CNTN4: variants seen among roughly 807,000 people sequenced by gnomAD.
CNTN4 encodes contactin-4.
A neutral mutation model predicts 122.5 loss-of-function variants in CNTN4; 77 were observed. That is an observed-to-expected ratio of 0.63 (90% confidence interval 0.52 to 0.76). CNTN4 has a LOEUF of 0.76. CNTN4 is among the 30% of genes least tolerant of loss of function. The pLI is 0.00. For missense variants in CNTN4, 1,256 were observed against 1,259.1 expected, an observed-to-expected ratio of 1.00 and a Z score of 0.04; for synonymous variants, 512 against 447.0, an observed-to-expected ratio of 1.15 and a Z score of -1.83.
chr3:2,616,631 C>G (rs28889917), intron 4 of CNTN4, among the ~76,000 whole-genome samples: 32,131 of 152,044 alleles, frequency 0.21, 3,751 homozygotes, highest in Admixed American at 0.29. Flanking sequence ...CATAGTGTCA[C>G]CAGCGTCTAT....
intron 4 of CNTN4, among the ~76,000 whole-genome samples, chr3:2,683,672 G>A (rs547992294): frequency 6.6e-6 from 1 of 152,104 alleles, no homozygotes; most frequent in Admixed American, 6.5e-5. Context: ...AACAGAACAA[G>A]AACCCAGTAA....
In CNTN4 at chr3:3,043,120, A is replaced by C; in HGVS notation, c.2655A>C (p.Thr885=). 3 of 1,614,206 alleles carry C rather than the reference A, an allele frequency of 1.9e-6. No homozygotes were observed. Among genetic ancestry groups the C allele is most frequent in the Non-Finnish European group, 2.5e-6 (3 of 1,180,042 alleles). Residue 885 remains threonine (T), a synonymous_variant, in exon 22 of 25, where the codon ACA becomes ACC. Transcript: ENST00000418658. ...TCAAGGCATATAATTCTGCTGGGAC[A>C]GGCCCCTCTAGTGCAACAGTCAATG... ...LAVKAYNSAG[T]GPSSATVNVT...
intron 2 of CNTN4, among the ~76,000 whole-genome samples, chr3:2,258,288 G>A (rs2040682128): frequency 6.6e-6 from 1 of 152,116 alleles, no homozygotes; most frequent in African/African-American, 2.4e-5. Context: ...AAAGACACAT[G>A]CACATGTATG....
intron 13 of CNTN4, among the ~76,000 whole-genome samples, chr3:2,974,255 TCC>T (rs1693209427): frequency 1.3e-5 from 2 of 152,212 alleles, no homozygotes; most frequent in Non-Finnish European, 2.9e-5. Context: ...GATACTGGTT[TCC>T]ATGTATCATA....
At chr3:2,673,208 A>G (rs2084638635) in intron 4 of CNTN4, among the ~76,000 whole-genome samples, 1 of 152,186 alleles carries the variant, frequency 6.6e-6, no homozygotes, top group South Asian at 2.1e-4. Context: ...AAATCATTTC[A>G]TCTCCCCAAG....
chr3:2,896,738 A>C (rs1308236093), intron 10 of CNTN4, among the ~76,000 whole-genome samples: 1 of 152,180 alleles, frequency 6.6e-6, no homozygotes. Flanking sequence ...GGAAGCATCT[A>C]TGTATATAGG....
chr3:2,867,043 C>G, intron 8 of CNTN4, 94 bp downstream of exon 8: 1 of 1,145,614 alleles, frequency 8.7e-7, no homozygotes, highest in Non-Finnish European at 1.3e-6. Flanking sequence ...GCTTTGTTGT[C>G]TAAATTAAAT....
At chr3:2,831,009 T>A (rs575947451) in intron 7 of CNTN4, among the ~76,000 whole-genome samples, 44 of 152,138 alleles carry the variant, frequency 2.9e-4, no homozygotes, top group African/African-American at 7.2e-4. Flanking sequence ...AACCTAGGAG[T>A]CTTAGGCACA....
intron 2 of CNTN4, among the ~76,000 whole-genome samples, chr3:2,249,970 G>C (rs2040312403): frequency 2.6e-5 from 4 of 151,740 alleles, no homozygotes; most frequent in Admixed American, 2.6e-4. Flanking sequence ...TGGATGTAAA[G>C]CAGTGCATGG....
At chr3:2,822,826 A>G (rs1266104505) in intron 7 of CNTN4, among the ~76,000 whole-genome samples, 1 of 152,194 alleles carries the variant, frequency 6.6e-6, no homozygotes, top group Non-Finnish European at 1.5e-5. Context: ...GGCAGCAGTC[A>G]GCAGCTCTGA....
intron 3 of CNTN4, among the ~76,000 whole-genome samples, chr3:2,498,301 TTG>T (rs1294791230): frequency 6.6e-6 from 1 of 152,062 alleles, no homozygotes; most frequent in Admixed American, 6.6e-5. Context: ...TGCTGCTAGG[TTG>T]TGTGGTAATT....
At chr3:2,432,352 A>G (rs2048105211) in intron 3 of CNTN4, among the ~76,000 whole-genome samples, 1 of 152,230 alleles carries the variant, frequency 6.6e-6, no homozygotes, top group Admixed American at 6.5e-5. Context: ...ATAAATGTGT[A>G]TTCTGTTGGA....
At chr3:2,984,278 G>T (rs553025758) in intron 13 of CNTN4, among the ~76,000 whole-genome samples, 1 of 152,140 alleles carries the variant, frequency 6.6e-6, no homozygotes, top group Non-Finnish European at 1.5e-5. Flanking sequence ...TTAAGTTAAC[G>T]AAATTTTCAC....
chr3:2,955,254 A>G (rs370696502), intron 13 of CNTN4, among the ~76,000 whole-genome samples: 10 of 152,168 alleles, frequency 6.6e-5, no homozygotes, highest in African/African-American at 1.9e-4. Flanking sequence ...AAAATAAACT[A>G]TTTCCCAAGA....
At chr3:3,009,594 C>A (rs571778547) in intron 14 of CNTN4, among the ~76,000 whole-genome samples, 2 of 90,548 alleles carry the variant, frequency 2.2e-5, no homozygotes, top group Non-Finnish European at 2.5e-5. Context: ...CCACCACGCC[C>A]GGCTAATTTT....
intron 3 of CNTN4, among the ~76,000 whole-genome samples, chr3:2,428,137 T>A (rs935355920): frequency 2.0e-5 from 3 of 152,208 alleles, no homozygotes; most frequent in Non-Finnish European, 4.4e-5. Context: ...GTTATTTTGC[T>A]GAGTAGTTGA....
intron 2 of CNTN4, among the ~76,000 whole-genome samples, chr3:2,151,588 T>G (rs1332254671): frequency 1.3e-5 from 2 of 152,054 alleles, no homozygotes; most frequent in Non-Finnish European, 2.9e-5. Flanking sequence ...ATGTCGAAAT[T>G]TAATCCCCAG....
At chr3:2,414,854 A>C (rs137989204) in intron 3 of CNTN4, among the ~76,000 whole-genome samples, 1 of 152,212 alleles carries the variant, frequency 6.6e-6, no homozygotes, top group Non-Finnish European at 1.5e-5. Context: ...ATTATACTTA[A>C]GAATATATGT....
At chr3:2,630,144 C>G (rs927138164) in intron 4 of CNTN4, among the ~76,000 whole-genome samples, 4 of 152,140 alleles carry the variant, frequency 2.6e-5, no homozygotes, top group African/African-American at 7.2e-5. Flanking sequence ...AGACACAGAA[C>G]CATCTGAAGT....
Sources: allele counts gnomAD v4.1 joint callset (sites outside exome capture counted in the v4.1 genomes callset), GRCh38; gene constraint gnomAD v4.1.1; transcripts MANE v1.5; gene names NCBI Gene and HGNC (gene_info 2026-07-23, HGNC 2026-07-21).